The following NRCAM variants were observed in gnomAD, a reference collection of about 807,000 sequenced individuals.
NRCAM encodes neuronal cell adhesion molecule.
Under a neutral mutation model 156.5 loss-of-function variants are expected in NRCAM, and 83 were observed. The ratio of observed to expected loss-of-function variants is 0.53; its 90% CI spans 0.44 to 0.64. The LOEUF (loss-of-function observed/expected upper bound fraction) is 0.64, where lower values mean the gene tolerates loss of function less well. NRCAM is among the 30% of genes least tolerant of loss of function. The pLI is 0.00. For synonymous variants in NRCAM, 538 were observed against 563.9 expected (o/e 0.95, Z 0.65); for missense variants, 1,417 against 1,597.3 (o/e 0.89, Z 1.92).
At chr7:108,333,793 T>C (rs868045427) in intron 2 of NRCAM, among the ~76,000 whole-genome samples, 3 of 152,324 alleles carry the variant, frequency 2.0e-5, no homozygotes, top group African/African-American at 7.2e-5. Context: ...GCAACTCTTT[T>C]AACTGACTTT....
At position 108,240,060 on chromosome 7, in the gene NRCAM, T is replaced by C. The variant is rs1411502017; in HGVS notation, c.5A>G (p.Gln2Arg). The change falls in exon 4 of 33, where the codon CAG becomes CGG. Residue 2 changes from glutamine to arginine, a missense_variant. Around this residue, in one of 2 missense-constraint regions of NRCAM, gnomAD observed 1,238 missense variants for 1,336.4 expected, o/e 0.93. Transcript: ENST00000379028. Reference sequence around the variant, plus strand: ...CTTCTTTTTCGGCATTATTTTAAGCTGCATTAGCTTAACTCCTGCTGAGAC... The same window carrying C: ...CTTCTTTTTCGGCATTATTTTAAGCCGCATTAGCTTAACTCCTGCTGAGAC... M[Q>R]LKIMPKKKRL... The C allele has an allele frequency of 5.0e-6, 8 of 1,609,780 alleles. No individual in the cohort carries two copies. Among genetic ancestry groups the C allele is most frequent in the Non-Finnish European group, 6.8e-6 (8 of 1,176,524 alleles).
chr7:108,379,469 AGAG>A (rs1022999716), intron 2 of NRCAM, among the ~76,000 whole-genome samples: 2 of 152,148 alleles, frequency 1.3e-5, no homozygotes, highest in African/African-American at 4.8e-5. Flanking sequence ...GAGCTGGAGG[AGAG>A]GAGATTTGTT....
chr7:108,380,330 G>T (rs1004002284), intron 2 of NRCAM, among the ~76,000 whole-genome samples: 1 of 152,082 alleles, frequency 6.6e-6, no homozygotes, highest in Non-Finnish European at 1.5e-5. Flanking sequence ...TTATCTCTCT[G>T]TGCAGCATGA....
chr7:108,178,226 C>T (rs1002711817), intron 25 of NRCAM, 114 bp from the exon 26 acceptor site: 2 of 1,026,194 alleles, frequency 1.9e-6, no homozygotes, highest in Non-Finnish European at 2.8e-6. Context: ...GTAACTCATT[C>T]CTGATTCAGC....
chr7:108,310,217 G>C (rs924013862), intron 3 of NRCAM, among the ~76,000 whole-genome samples: 4 of 152,146 alleles, frequency 2.6e-5, no homozygotes, highest in Non-Finnish European at 4.4e-5. Context: ...GACTCCTTAT[G>C]GTTACTACTA....
intron 3 of NRCAM, among the ~76,000 whole-genome samples, chr7:108,247,484 A>G (rs965616735): frequency 1.3e-5 from 2 of 152,248 alleles, no homozygotes; most frequent in East Asian, 1.9e-4. Context: ...CAAAGGGCAC[A>G]TACTTAACTT....
chr7:108,249,709 C>A (rs1589959748), intron 3 of NRCAM, among the ~76,000 whole-genome samples: 1 of 152,218 alleles, frequency 6.6e-6, no homozygotes, highest in African/African-American at 2.4e-5. Context: ...GTTCTCTGTA[C>A]TGTGAGATTT....
intron 1 of NRCAM, among the ~76,000 whole-genome samples, chr7:108,415,838 C>A (rs552385722): frequency 7.9e-5 from 12 of 152,194 alleles, no homozygotes; most frequent in Non-Finnish European, 1.3e-4. Flanking sequence ...GCTGATATCA[C>A]GCCATTGCGC....
intron 2 of NRCAM, among the ~76,000 whole-genome samples, chr7:108,378,680 C>G (rs2099687174): frequency 7.2e-6 from 1 of 139,222 alleles, no homozygotes; most frequent in African/African-American, 2.7e-5. Flanking sequence ...CACACACACA[C>G]ACACACACAA....
chr7:108,239,675 C>G (rs777412413), intron 4 of NRCAM, among the ~76,000 whole-genome samples: 14 of 152,156 alleles, frequency 9.2e-5, no homozygotes, highest in Non-Finnish European at 1.8e-4. Flanking sequence ...GCAGCTTGCA[C>G]AACTCAATCC....
intron 3 of NRCAM, among the ~76,000 whole-genome samples, chr7:108,256,740 G>A (rs938627257): frequency 2.0e-5 from 3 of 152,296 alleles, no homozygotes; most frequent in African/African-American, 2.4e-5. Context: ...AGTATAGCCA[G>A]CATGGTGGTT....
chr7:108,360,247 GAA>G (rs1368421120), intron 2 of NRCAM, among the ~76,000 whole-genome samples: 1 of 151,592 alleles, frequency 6.6e-6, no homozygotes, highest in Non-Finnish European at 1.5e-5. Flanking sequence ...AGTGAGAAGG[GAA>G]AAAAAAGATC....
intron 3 of NRCAM, among the ~76,000 whole-genome samples, chr7:108,269,156 C>T (rs1204221028): frequency 6.8e-6 from 1 of 146,072 alleles, no homozygotes; most frequent in Non-Finnish European, 1.5e-5. Flanking sequence ...TGTCTTCGTG[C>T]TGTATTTGAA....
chr7:108,285,709 C>T (rs895003940), intron 3 of NRCAM, among the ~76,000 whole-genome samples: 10 of 152,312 alleles, frequency 6.6e-5, no homozygotes, highest in African/African-American at 1.9e-4. Flanking sequence ...ACAAAGTTAT[C>T]ATTCACTATA....
At chr7:108,248,477 T>C (rs551529968) in intron 3 of NRCAM, among the ~76,000 whole-genome samples, 1 of 152,070 alleles carries the variant, frequency 6.6e-6, no homozygotes, top group South Asian at 2.1e-4. Flanking sequence ...GAGAGAGAAT[T>C]AACCTCATGG....
intron 2 of NRCAM, among the ~76,000 whole-genome samples, chr7:108,330,660 G>A (rs575680294): frequency 6.6e-6 from 1 of 152,236 alleles, no homozygotes; most frequent in South Asian, 2.1e-4. Flanking sequence ...ACCAAAACAG[G>A]ACCACTGGGA....
chr7:108,331,837 G>GT (rs2099130175), intron 2 of NRCAM, among the ~76,000 whole-genome samples: 1 of 152,232 alleles, frequency 6.6e-6, no homozygotes, highest in Admixed American at 6.5e-5. Flanking sequence ...TTCATTGCCA[G>GT]TTTTTTTCTG....
At chr7:108,249,742 C>A (rs1049931685) in intron 3 of NRCAM, among the ~76,000 whole-genome samples, 5 of 152,216 alleles carry the variant, frequency 3.3e-5, no homozygotes, top group Admixed American at 1.3e-4. Context: ...AATTTAAGAG[C>A]TTTGGCATAT....
At chr7:108,275,043 T>C (rs540718208) in intron 3 of NRCAM, among the ~76,000 whole-genome samples, 8 of 152,322 alleles carry the variant, frequency 5.3e-5, no homozygotes, top group South Asian at 2.1e-4. Flanking sequence ...ATTACGTTTA[T>C]TGATTTGCGT....
Sources: allele counts gnomAD v4.1 joint callset (sites outside exome capture counted in the v4.1 genomes callset), GRCh38; gene constraint gnomAD v4.1.1; regional missense constraint gnomAD v4.1.1; transcripts MANE v1.5; gene names NCBI Gene and HGNC (gene_info 2026-07-23, HGNC 2026-07-21).